The following SLC30A9 variants were observed in gnomAD, a reference collection of about 807,000 sequenced individuals.
SLC30A9 encodes proton-coupled zinc antiporter SLC30A9, mitochondrial.
In SLC30A9, 58 loss-of-function variants were observed where a neutral mutation model predicts 87.5. The observed-to-expected ratio is 0.66, with a 90% CI of 0.54 to 0.82. The LOEUF is 0.82. Among genes scored for constraint, SLC30A9 ranks in the 40% least tolerant of loss-of-function variants. The pLI is 0.00. For missense variants in SLC30A9, 557 were observed against 679.1 expected, an observed-to-expected ratio of 0.82 and a Z score of 2.00; for synonymous variants, 234 against 233.0, an observed-to-expected ratio of 1.00 and a Z score of -0.04.
At chr4:42,079,149 A>T (rs1718666206) in intron 17 of SLC30A9, among the ~76,000 whole-genome samples, 1 of 152,110 alleles carries the variant, frequency 6.6e-6, no homozygotes, top group Non-Finnish European at 1.5e-5. Context: ...AGACGCTTTC[A>T]TTCTTAAAAA....
At chr4:42,043,745 G>A (rs150751609) in intron 8 of SLC30A9, among the ~76,000 whole-genome samples, 3 of 152,254 alleles carry the variant, frequency 2.0e-5, no homozygotes, top group East Asian at 3.9e-4. Context: ...CTCGAGAAGA[G>A]CAACCTCAAG....
intron 3 of SLC30A9, among the ~76,000 whole-genome samples, chr4:42,020,126 T>C (rs1033048193): frequency 1.3e-5 from 2 of 152,226 alleles, no homozygotes; most frequent in Non-Finnish European, 2.9e-5. Context: ...ATTTAAATTA[T>C]ACCAATATGA....
At chr4:41,994,200 A>G (rs1714590992) in intron 1 of SLC30A9, among the ~76,000 whole-genome samples, 1 of 152,088 alleles carries the variant, frequency 6.6e-6, no homozygotes, top group Non-Finnish European at 1.5e-5. Context: ...GTGACATGGA[A>G]AATACTCTTG....
intron 9 of SLC30A9, among the ~76,000 whole-genome samples, chr4:42,053,556 A>T (rs1717468915): frequency 6.6e-6 from 1 of 151,792 alleles, no homozygotes; most frequent in South Asian, 2.1e-4. Flanking sequence ...GGGCATGGTG[A>T]TGGGCCCATG....
At chr4:42,081,780 C>A (rs960886308) in intron 17 of SLC30A9, among the ~76,000 whole-genome samples, 11 of 151,838 alleles carry the variant, frequency 7.2e-5, no homozygotes, top group Admixed American at 6.5e-4. Flanking sequence ...ACAATCAGAC[C>A]TTATTGTTTT....
intron 4 of SLC30A9, chr4:42,020,722 T>C (rs948596601): frequency 1.7e-5 from 7 of 423,120 alleles, no homozygotes; most frequent in Non-Finnish European, 2.9e-5. Context: ...GCAATTCTAG[T>C]CTTTCTTAGT....
intron 1 of SLC30A9, among the ~76,000 whole-genome samples, chr4:41,995,256 G>T (rs994259755): frequency 6.6e-6 from 1 of 151,928 alleles, no homozygotes; most frequent in African/African-American, 2.4e-5. Context: ...GCAAAACTCC[G>T]TCCCCCCACC....
intron 11 of SLC30A9, among the ~76,000 whole-genome samples, 187 bp from the exon 12 acceptor site, chr4:42,065,122 AC>A (rs1217805041): frequency 6.6e-6 from 1 of 152,150 alleles, no homozygotes; most frequent in African/African-American, 2.4e-5. Flanking sequence ...GGTGTCTACC[AC>A]TCCTGATATC....
rs1226882376 is a variant in SLC30A9, at chr4:42,087,054, A to C, written c.*928A>C. ...AGGCGGCACTACTTATGTAAATCTG[A>C]GCTGTGGGATATTTCTTGCTTTAAG... On this transcript the variant is annotated 3_prime_UTR_variant, in exon 18 of 18. Coordinates refer to ENST00000264451, the MANE Select transcript of SLC30A9 (RefSeq NM_006345.4). 2 of 152,162 alleles carry C rather than the reference A, an allele frequency of 1.3e-5. No individual in the cohort carries two copies. The highest frequency in any genetic ancestry group is 4.8e-5 in the African/African-American group (2 of 41,440). 9.4% of individuals were successfully genotyped at this position (152,162 alleles called of 1,614,324 possible).
At chr4:42,084,764 C>T (rs897963829) in intron 17 of SLC30A9, among the ~76,000 whole-genome samples, 13 of 152,096 alleles carry the variant, frequency 8.5e-5, no homozygotes, top group African/African-American at 3.1e-4. Context: ...AGCCACCGCG[C>T]CCGGCCAGGT....
chr4:42,085,638 A>T (rs1718898033), intron 17 of SLC30A9, among the ~76,000 whole-genome samples: 1 of 152,196 alleles, frequency 6.6e-6, no homozygotes, highest in Non-Finnish European at 1.5e-5. Flanking sequence ...TCAGGAACAG[A>T]GTCTTATTTA....
rs78648490 is a variant in SLC30A9 at position 42,052,293 on chromosome 4, C to T, written c.840+2814C>T. 9.0e-4 allele frequency among the ~76,000 whole-genome samples: 137 copies of T among 152,162 alleles called. No individual in the cohort carries two copies. In the East Asian group the frequency reaches 0.015, roughly 16 times the overall value. On this transcript the variant is annotated intron_variant, in intron 9 of 17. Transcript: ENST00000264451. ...CTAAAGAAATGGAGAGATACAATAC[C>T]GCGTTCATAGATTGGATGTCATAGA...
In SLC30A9 at chr4:42,075,653, G is replaced by A; in HGVS notation, c.1419-4G>A. On this transcript the variant is annotated splice_polypyrimidine_tract_variant and splice_region_variant and intron_variant, in intron 15 of 17. Coordinates refer to ENST00000264451, the MANE Select transcript of SLC30A9 (RefSeq NM_006345.4). ...AAATTTGTATGCATTGTTATTGATT[G>A]CAGGGCAATTCATGATGTTAAAGCC... is the stretch of plus-strand genomic sequence containing the variant. The A allele has an allele frequency of 6.2e-7, 1 of 1,612,132 alleles. No homozygotes were observed. The highest frequency in any genetic ancestry group is 8.5e-7 in the Non-Finnish European group (1 of 1,178,664).
At chr4:42,045,048 A>G (rs924249434) in intron 8 of SLC30A9, among the ~76,000 whole-genome samples, 3 of 152,248 alleles carry the variant, frequency 2.0e-5, no homozygotes, top group African/African-American at 7.2e-5. Flanking sequence ...AATCTCTGGA[A>G]CATAGCTAAA....
At chr4:42,024,555 A>T (rs1435479379) in intron 6 of SLC30A9, among the ~76,000 whole-genome samples, 1 of 152,214 alleles carries the variant, frequency 6.6e-6, no homozygotes, top group Non-Finnish European at 1.5e-5. Context: ...AATTGTGAAT[A>T]TTTACATAGG....
intron 9 of SLC30A9, among the ~76,000 whole-genome samples, chr4:42,051,545 A>G (rs973544878): frequency 2.0e-5 from 3 of 150,960 alleles, no homozygotes; most frequent in Non-Finnish European, 4.4e-5. Context: ...AAGAAGATAA[A>G]TCAAAGGTAT....
At chr4:42,039,571 T>C (rs2056362819) in intron 8 of SLC30A9, among the ~76,000 whole-genome samples, 1 of 151,696 alleles carries the variant, frequency 6.6e-6, no homozygotes, top group South Asian at 2.1e-4. Context: ...CAAGCCATTC[T>C]CCTGCAACAG....
intron 4 of SLC30A9, 152 bp downstream of exon 4, chr4:42,020,667 G>A (rs2153135293): frequency 2.1e-6 from 1 of 482,002 alleles, no homozygotes; most frequent in South Asian, 3.7e-5. Flanking sequence ...AGTCAAAAAT[G>A]TTAAAAATTG....
intron 1 of SLC30A9, among the ~76,000 whole-genome samples, chr4:41,997,635 A>G (rs1714777903): frequency 6.6e-6 from 1 of 152,210 alleles, no homozygotes; most frequent in Admixed American, 6.5e-5. Flanking sequence ...AATACATAAT[A>G]AAAGTATAGT....
Sources: allele counts gnomAD v4.1 joint callset (sites outside exome capture counted in the v4.1 genomes callset), GRCh38; gene constraint gnomAD v4.1.1; transcripts MANE v1.5; gene names NCBI Gene and HGNC (gene_info 2026-07-23, HGNC 2026-07-21).